NAPRT: variants seen among roughly 807,000 people sequenced by gnomAD.
NAPRT encodes the protein nicotinate phosphoribosyltransferase, also known as FHA-HIT-interacting protein.
In NAPRT, 66 loss-of-function variants were observed where a neutral mutation model predicts 60.7. The ratio of observed to expected loss-of-function variants is 1.09; its 90% CI spans 0.89 to 1.33. The LOEUF is 1.33. Among genes scored for constraint, NAPRT ranks in the 40% most tolerant of loss-of-function variants. The pLI is 0.00. For synonymous variants in NAPRT, 405 were observed against 335.7 expected (o/e 1.21, Z -2.26); for missense variants, 818 against 731.5 (o/e 1.12, Z -1.36).
At chr8:143,577,769 G>T (rs760586291) in intron 2 of NAPRT, 30 bp from the exon 3 acceptor site, 1 of 1,568,100 alleles carries the variant, frequency 6.4e-7, no homozygotes. Context: ...CTCCGCGCTC[G>T]GCCCAGCACC....
Position 143,576,858 on chromosome 8 carries a change from G to A in NAPRT, c.685-16C>T, listed in dbSNP as rs773590026. The A allele has an allele frequency of 1.3e-4, 201 of 1,582,898 alleles. 1 individual carries two copies. Among genetic ancestry groups the A allele is most frequent in the Middle Eastern group, 2.2e-4 (1 of 4,542 alleles). ...GCGCCAACATCTGTGGAACAGAGTC[G>A]GTGAAGAATGGGGGCCAGGAATGCA... On this transcript the variant is annotated splice_polypyrimidine_tract_variant and intron_variant, in intron 5 of 12. Coordinates refer to ENST00000449291, the MANE Select transcript of NAPRT (RefSeq NM_145201.6).
chr8:143,574,827 C>T lies in NAPRT; in HGVS notation c.*11G>A, dbSNP rs761987157. ...GATTCGTGTTGTTTCCAGTCAGCCC[C>T]GCTCCGAGTCTCAGGGGGACTGCCC... On this transcript the variant is annotated 3_prime_UTR_variant, in exon 13 of 13. Transcript: ENST00000449291. 4.4e-5 allele frequency: 69 copies of T among 1,550,572 alleles called. No individual in the cohort carries two copies. In the South Asian group the frequency reaches 6.5e-4, roughly 15 times the overall value.
Position 143,578,125 on chromosome 8 carries a change from C to T in NAPRT, c.194G>A (p.Arg65His), listed in dbSNP as rs751788497. 2.3e-5 allele frequency: 35 copies of T among 1,524,962 alleles called. No homozygotes were observed. The highest frequency in any genetic ancestry group is 4.2e-5 in the African/African-American group (3 of 70,866). The allele number at this position is 1,524,962 out of a possible 1,614,324, so 94.5% of individuals were successfully genotyped here. The change falls in exon 1 of 13, where the codon CGC (arginine) becomes CAC (histidine). Residue 65 changes from arginine (R) to histidine (H), a missense_variant. Physicochemically the swap from Arg to His is conservative, Grantham distance 29. Coordinates refer to ENST00000449291, the MANE Select transcript of NAPRT (RefSeq NM_145201.6). ...CCGCAGGCGGAAGGCGCGCAGGAAG[C>T]GCACACAGTCGCGCAAGCCGGCGGC... is the stretch of plus-strand genomic sequence containing the variant. The part of the protein sequence containing the change: ...ALAAGLRDCV[R>H]FLRAFRLRDA...
chr8:143,573,221 C>G (rs937186895), downstream of NAPRT, among the ~76,000 whole-genome samples: 1 of 152,106 alleles, frequency 6.6e-6, no homozygotes, highest in Non-Finnish European at 1.5e-5. Flanking sequence ...GCCCCCTGCA[C>G]GCTGGCTCTG....
rs1221089521 is a variant in NAPRT, at chr8:143,577,360, T to C, written c.477A>G (p.Ala159=). The part of the protein sequence containing the change: ...ATNAARLRLI[A]GPEKRLLEMG... ...TCTCTAGCAGCCGCTTCTCTGGCCC[T>C]GCGATCAAGCGAAGCCGCGCTGCGT... Residue 159 remains alanine (A), a synonymous_variant, in exon 4 of 13, where the codon GCA becomes GCG. Coordinates refer to ENST00000449291, the MANE Select transcript of NAPRT (RefSeq NM_145201.6). 2.1e-5 allele frequency: 34 copies of C among 1,608,196 alleles called. No individual in the cohort carries two copies. In the East Asian group the frequency reaches 7.6e-4, roughly 36 times the overall value.
chr8:143,577,805 C>A lies in NAPRT; in HGVS notation c.354+11G>T, dbSNP rs1384256576. On this transcript the variant is annotated intron_variant, in intron 2 of 12. Transcript: ENST00000449291. ...CCGTGGCCGCCGCGCCGCCCGCTTA[C>A]CCCTACTCACTCCGGGGAAGGCGAG... 1.9e-5 allele frequency: 31 copies of A among 1,601,516 alleles called. No individual in the cohort carries two copies. The highest frequency in any genetic ancestry group is 2.6e-5 in the Non-Finnish European group (30 of 1,175,478).
chr8:143,578,156 C>T lies in NAPRT; in HGVS notation c.163G>A (p.Ala55Thr), dbSNP rs1824652455. Residue 55 changes from alanine (A) to threonine (T), a missense_variant, in exon 1 of 13, where the codon GCC becomes ACC. Transcript: ENST00000449291. Reference protein sequence around the residue: ...FRRCPFGGAFALAAGLRDCVR... With the variant: ...FRRCPFGGAFTLAAGLRDCVR... Reference sequence around the variant, plus strand: ...CAGTCGCGCAAGCCGGCGGCCAAGGCGAAGGCGCCGCCGAACGGGCAGCGG... The same window carrying T: ...CAGTCGCGCAAGCCGGCGGCCAAGGTGAAGGCGCCGCCGAACGGGCAGCGG... 6 of 1,518,756 alleles carry T rather than the reference C, an allele frequency of 4.0e-6. No homozygotes were observed. Among genetic ancestry groups the T allele is most frequent in the East Asian group, 5.2e-5 (2 of 38,730 alleles). 94.1% of individuals were successfully genotyped at this position (1,518,756 alleles called of 1,614,324 possible).
At chr8:143,575,973 G>C in intron 8 of NAPRT, 105 bp downstream of exon 8, 1 of 932,964 alleles carries the variant, frequency 1.1e-6, no homozygotes, top group African/African-American at 1.7e-5. Context: ...GAAGGGGGTG[G>C]CAGTGCCCTG....
At position 143,574,807 on chromosome 8, in the gene NAPRT, G is replaced by C. The variant is rs78452615; in HGVS notation, c.*31C>G. The C allele has an allele frequency of 0.034, 53,185 of 1,550,138 alleles. 1,104 individuals are homozygous for C. Among genetic ancestry groups the C allele is most frequent in the Middle Eastern group, 0.071 (425 of 5,992 alleles). On this transcript the variant is annotated 3_prime_UTR_variant, in exon 13 of 13. Transcript: ENST00000449291. ...AGCTGTGGGGAAAAGTGAGTGATTC[G>C]TGTTGTTTCCAGTCAGCCCCGCTCC...
At chr8:143,574,228 C>T (rs1824258774), downstream of NAPRT, among the ~76,000 whole-genome samples, 1 of 152,368 alleles carries the variant, frequency 6.6e-6, no homozygotes, top group Middle Eastern at 3.4e-3. Context: ...CTTCCCCATT[C>T]TTCCTCTCCT....
rs150754257 is a variant in NAPRT at position 143,576,809 on chromosome 8, C to T, written c.718G>A (p.Val240Met). 8.1e-6 allele frequency: 13 copies of T among 1,604,190 alleles called. No homozygotes were observed. The highest frequency in any genetic ancestry group is 1.3e-5 in the African/African-American group (1 of 74,862). Residue 240 changes from valine to methionine, a missense_variant, in exon 6 of 13, where the codon GTG becomes ATG. By Grantham distance (21) the Val-to-Met change is conservative (BLOSUM62 1). Coordinates refer to ENST00000449291, the MANE Select transcript of NAPRT (RefSeq NM_145201.6). ...LAPAAGEGPG[V>M]DLAAKAQVWL... is the part of the protein sequence containing the mutation. The stretch of plus-strand genomic sequence containing the variant: ...ACCTGGGCTTTGGCCGCCAGGTCCA[C>T]CCCAGGGCCCTCACCAGCTGCTGGC...
chr8:143,577,991 C>G (rs761508529), intron 1 of NAPRT, 48 bp from the exon 2 acceptor site: 1 of 1,574,528 alleles, frequency 6.4e-7, no homozygotes, highest in East Asian at 2.3e-5. Flanking sequence ...ACAGACCGGT[C>G]GTGGGACATG....
downstream of NAPRT, chr8:143,574,761 C>T (rs543474916): frequency 9.6e-5 from 147 of 1,531,692 alleles, no homozygotes; most frequent in Non-Finnish European, 1.2e-4. Flanking sequence ...GGTGAACAAA[C>T]GACACAAACA....
At position 143,577,932 on chromosome 8, in the gene NAPRT, G is replaced by C. The variant is rs1824613026; in HGVS notation, c.238C>G (p.Leu80Val). The C allele has an allele frequency of 1.9e-6, 3 of 1,609,872 alleles. No individual in the cohort carries two copies. Among genetic ancestry groups the C allele is most frequent in the Admixed American group, 1.7e-5 (1 of 59,842 alleles). The change falls in exon 2 of 13, where the codon CTG becomes GTG. Residue 80 changes from leucine (L) to valine (V), a missense_variant. Physicochemically the swap from Leu to Val is conservative, Grantham distance 32 (BLOSUM62 1). Coordinates refer to ENST00000449291, the MANE Select transcript of NAPRT (RefSeq NM_145201.6). ...GTGTCTGGGGGCAGCACCGAGGCCA[G>C]GAACTGCACGTCTGGAAACGAGGTA... is the stretch of plus-strand genomic sequence containing the variant. Reference protein sequence around the residue: ...FRLRDADVQFLASVLPPDTDP... With the variant: ...FRLRDADVQFVASVLPPDTDP...
At chr8:143,574,502 T>C, downstream of NAPRT, 1 of 509,434 alleles carries the variant, frequency 2.0e-6, no homozygotes, top group Non-Finnish European at 3.6e-6. Context: ...CTGCAGCAAC[T>C]CCCTCAACTC....
chr8:143,577,007 G>C (rs1212468524), intron 5 of NAPRT, 55 bp downstream of exon 5: 2 of 1,577,168 alleles, frequency 1.3e-6, no homozygotes, highest in East Asian at 4.5e-5. Context: ...GCCAGGGCAA[G>C]GGCTGGCTTG....
chr8:143,575,654 G>C lies in NAPRT; in HGVS notation c.1156C>G (p.Pro386Ala). The C allele has an allele frequency of 1.9e-6, 3 of 1,596,152 alleles. No homozygotes were observed. Among genetic ancestry groups the C allele is most frequent in the Non-Finnish European group, 2.6e-6 (3 of 1,172,248 alleles). Residue 386 changes from proline to alanine, a missense_variant, in exon 9 of 13, where the codon CCC becomes GCC. By Grantham distance (27) the Pro-to-Ala change is conservative. Transcript: ENST00000449291. ...IGIGTSVVTC[P>A]QQPSLGGVYK... ...ACGCCACCCAGGGAAGGCTGTTGGG[G>C]GCAGGTGACCACACTGGTGCCAATG...
Position 143,576,785 on chromosome 8 carries a change from C to G in NAPRT, c.742G>C (p.Val248Leu), listed in dbSNP as rs770662071. ...PGVDLAAKAQ[V>L]WLEQVCAHLG... is the part of the protein sequence containing the mutation. ...TGGGCACACACCTGCTCCAGCCACACCTGGGCTTTGGCCGCCAGGTCCACC... is the reference window on the plus strand; with the variant it reads ...TGGGCACACACCTGCTCCAGCCACAGCTGGGCTTTGGCCGCCAGGTCCACC... The change falls in exon 6 of 13, where the codon GTG (valine) becomes CTG (leucine). Residue 248 changes from valine to leucine, a missense_variant. Transcript: ENST00000449291. 1.7e-5 allele frequency: 28 copies of G among 1,608,394 alleles called. No individual in the cohort carries two copies. The highest frequency in any genetic ancestry group is 2.4e-5 in the Non-Finnish European group (28 of 1,178,824).
rs1824487900 is a variant in NAPRT, at chr8:143,576,690, A to G, written c.837T>C (p.Phe279=). The stretch of plus-strand genomic sequence containing the variant: ...CCAGGAGGCCCTGGAAGGCCCGGGG[A>G]AAAGCCAAGGCATAGGCCACAAAGG... ...RAAFVAYALA[F]PRAFQGLLDT... The change falls in exon 6 of 13, where the codon TTT becomes TTC. Residue 279 remains phenylalanine (F), a synonymous_variant. Coordinates refer to ENST00000449291, the MANE Select transcript of NAPRT (RefSeq NM_145201.6). The G allele has an allele frequency of 6.2e-7, 1 of 1,611,206 alleles. No individual in the cohort carries two copies. Among genetic ancestry groups the G allele is most frequent in the Non-Finnish European group, 8.5e-7 (1 of 1,179,500 alleles).
Sources: allele counts gnomAD v4.1 joint callset (sites outside exome capture counted in the v4.1 genomes callset), GRCh38; gene constraint gnomAD v4.1.1; transcripts MANE v1.5; gene names NCBI Gene and HGNC (gene_info 2026-07-23, HGNC 2026-07-21).